Variants in GRAMD1C observed in about 807,000 individuals in gnomAD.
GRAMD1C encodes protein Aster-C.
Under a neutral mutation model 97.8 loss-of-function variants are expected in GRAMD1C, and 89 were observed. The observed-to-expected ratio is 0.91, with a 90% CI of 0.77 to 1.09. The LOEUF (loss-of-function observed/expected upper bound fraction) is 1.09, where lower values mean the gene tolerates loss of function less well. Among genes scored for constraint, GRAMD1C ranks in the 50% least tolerant of loss-of-function variants. The pLI is 0.00. For missense variants in GRAMD1C, 740 were observed against 766.4 expected (o/e 0.97, Z 0.41); for synonymous variants, 256 against 267.0 (o/e 0.96, Z 0.40).
At chr3:113,845,357 A>G (rs115363432) in intron 2 of GRAMD1C, among the ~76,000 whole-genome samples, 2,359 of 152,334 alleles carry the variant, frequency 0.015, 65 homozygotes, top group African/African-American at 0.054. Flanking sequence ...AAAATTATGT[A>G]GGATGGTAAG....
chr3:113,885,357 CTG>C, intron 6 of GRAMD1C: 1 of 1,594,410 alleles, frequency 6.3e-7, no homozygotes, highest in African/African-American at 1.3e-5. Context: ...CTGCCAAGCT[CTG>C]GAGCTTCTTC....
intron 2 of GRAMD1C, among the ~76,000 whole-genome samples, chr3:113,846,207 A>G (rs1289381931): frequency 6.6e-6 from 1 of 152,062 alleles, no homozygotes. Context: ...CCTGGGTTCA[A>G]GTGCTTCTCC....
chr3:113,861,829 G>T (rs1021146281), intron 2 of GRAMD1C, among the ~76,000 whole-genome samples: 2 of 152,120 alleles, frequency 1.3e-5, no homozygotes, highest in Non-Finnish European at 2.9e-5. Flanking sequence ...AGTCATGTAG[G>T]TTCTTTTCTA....
chr3:113,884,886 C>T (rs986738664), intron 6 of GRAMD1C, among the ~76,000 whole-genome samples: 1 of 149,034 alleles, frequency 6.7e-6, no homozygotes, highest in Non-Finnish European at 1.5e-5. Flanking sequence ...GCGGACCACT[C>T]TCCGCTTTCC....
chr3:113,863,329 A>G (rs1413522294), intron 2 of GRAMD1C, among the ~76,000 whole-genome samples: 3 of 152,174 alleles, frequency 2.0e-5, no homozygotes, highest in African/African-American at 7.2e-5. Flanking sequence ...GTGATAGGCT[A>G]CAGACACAAA....
At chr3:113,917,138 C>G (rs1426475652) in intron 10 of GRAMD1C, among the ~76,000 whole-genome samples, 1 of 152,078 alleles carries the variant, frequency 6.6e-6, no homozygotes, top group Admixed American at 6.5e-5. Context: ...GATTGAGACT[C>G]TGTCTCAAAA....
chr3:113,874,478 A>G (rs1423308932), intron 3 of GRAMD1C, among the ~76,000 whole-genome samples: 5 of 151,974 alleles, frequency 3.3e-5, no homozygotes, highest in Admixed American at 6.6e-5. Flanking sequence ...CCTCCTGAGT[A>G]GCTGGGATTA....
chr3:113,884,151 A>G (rs1935363017), intron 6 of GRAMD1C, among the ~76,000 whole-genome samples: 1 of 152,222 alleles, frequency 6.6e-6, no homozygotes, highest in African/African-American at 2.4e-5. Context: ...AGCAGAATAT[A>G]TATATATCCT....
intron 8 of GRAMD1C, among the ~76,000 whole-genome samples, chr3:113,908,288 T>C (rs1415866504): frequency 6.6e-6 from 1 of 152,246 alleles, no homozygotes; most frequent in Non-Finnish European, 1.5e-5. Flanking sequence ...AATAGCATCA[T>C]ACTTTAATGC....
chr3:113,935,321 C>T (rs1422786600), intron 13 of GRAMD1C, among the ~76,000 whole-genome samples: 4 of 151,908 alleles, frequency 2.6e-5, no homozygotes, highest in East Asian at 1.9e-4. Context: ...GGGGAGTCCT[C>T]GGGGCTACCT....
chr3:113,902,461 A>G (rs1160268342), intron 7 of GRAMD1C, among the ~76,000 whole-genome samples: 1 of 152,188 alleles, frequency 6.6e-6, no homozygotes, highest in Non-Finnish European at 1.5e-5. Flanking sequence ...AGTTAGGGTC[A>G]CCAAACAGCC....
chr3:113,928,651 G>T (rs1937310632), intron 10 of GRAMD1C, among the ~76,000 whole-genome samples: 1 of 152,112 alleles, frequency 6.6e-6, no homozygotes, highest in Admixed American at 6.6e-5. Context: ...CATTGTTGAT[G>T]ATCACCATTC....
At chr3:113,886,956 A>G (rs1307573088) in intron 6 of GRAMD1C, among the ~76,000 whole-genome samples, 1 of 149,430 alleles carries the variant, frequency 6.7e-6, no homozygotes, top group Admixed American at 6.7e-5. Context: ...TAATTTTTGT[A>G]TTTTTAGTAG....
At chr3:113,942,423 A>T (rs1937847361) in intron 17 of GRAMD1C, among the ~76,000 whole-genome samples, 1 of 150,924 alleles carries the variant, frequency 6.6e-6, no homozygotes, top group African/African-American at 2.4e-5. Flanking sequence ...AGCTCTTTAC[A>T]TATGGATTGG....
intron 11 of GRAMD1C, among the ~76,000 whole-genome samples, chr3:113,933,169 G>A (rs990672159): frequency 6.6e-6 from 1 of 152,178 alleles, no homozygotes; most frequent in Non-Finnish European, 1.5e-5. Context: ...ACAGGCGTGA[G>A]CCACTGCGTC....
At chr3:113,843,963 G>C (rs1478663222) in intron 1 of GRAMD1C, among the ~76,000 whole-genome samples, 1 of 152,120 alleles carries the variant, frequency 6.6e-6, no homozygotes, top group Non-Finnish European at 1.5e-5. Flanking sequence ...CTCCAAAATA[G>C]TTGTACAAAC....
rs935716693 is a variant in GRAMD1C at position 113,919,899 on chromosome 3, C to G, written c.1090+4061C>G. 73 of 650,074 alleles carry G rather than the reference C, an allele frequency of 1.1e-4. 1 individual carries two copies. The highest frequency in any genetic ancestry group is 9.3e-5 in the Admixed American group (5 of 53,716). 40.3% of individuals were successfully genotyped at this position (650,074 alleles called of 1,614,324 possible). On this transcript the variant is annotated intron_variant, in intron 10 of 17. Transcript: ENST00000358160. ...ATTGGACCCAGTACCACAGCAGAAACAGAAACATCACCAAATATGAAATAA... is the reference window on the plus strand; with the variant it reads ...ATTGGACCCAGTACCACAGCAGAAAGAGAAACATCACCAAATATGAAATAA...
At chr3:113,884,903 T>TCCCCTC (rs1935397444) in intron 6 of GRAMD1C, among the ~76,000 whole-genome samples, 1 of 64,070 alleles carries the variant, frequency 1.6e-5, no homozygotes, top group East Asian at 4.6e-4. Context: ...TTCCCCCCCT[T>TCCCCTC]CCCCTCCCCC....
chr3:113,911,019 G>A lies in GRAMD1C; in HGVS notation c.952+1899G>A, dbSNP rs546122258. Among the ~76,000 whole-genome samples, 6 of 152,302 alleles carry A rather than the reference G, an allele frequency of 3.9e-5. No individual in the cohort carries two copies. The East Asian group carries it at 9.6e-4, about 24-fold the overall frequency. ...ATAATTCTGGAGGATAGAAACCCCA[G>A]ATCAAGGTTTGGCAGAGTTGGTTTC... On this transcript the variant is annotated intron_variant, in intron 9 of 17. Coordinates refer to ENST00000358160, the MANE Select transcript of GRAMD1C (RefSeq NM_017577.5).
Sources: gnomAD v4.1 joint callset for allele counts (sites outside exome capture counted in the v4.1 genomes callset) on GRCh38, gnomAD v4.1.1 for gene constraint, MANE v1.5 for transcripts, NCBI Gene and HGNC (gene_info 2026-07-23, HGNC 2026-07-21) for gene names.